ITSN1: variants seen among roughly 807,000 people sequenced by gnomAD.
The protein encoded by ITSN1 is intersectin-1.
ITSN1 carries 58 observed loss-of-function variants against 239.8 expected under a neutral mutation model. That is an observed-to-expected ratio of 0.24 (90% CI 0.20 to 0.30). The LOEUF is 0.30. Among genes scored for constraint, ITSN1 ranks in the 10% least tolerant of loss-of-function variants. The pLI is 1.00. For synonymous variants in ITSN1, 780 were observed against 770.8 expected, an observed-to-expected ratio of 1.01 and a Z score of -0.20; for missense variants, 1,558 against 2,103.3, an observed-to-expected ratio of 0.74 and a Z score of 5.07.
At chr21:33,837,296 C>T (rs1332721736) in intron 29 of ITSN1, 10 of 1,187,826 alleles carry the variant, frequency 8.4e-6, no homozygotes, top group Non-Finnish European at 1.0e-5. Context: ...CCCACCTTTG[C>T]ACAGGTGCTT....
intron 1 of ITSN1, among the ~76,000 whole-genome samples, chr21:33,664,315 G>A (rs969187789): frequency 2.6e-5 from 4 of 152,118 alleles, no homozygotes; most frequent in Non-Finnish European, 4.4e-5. Flanking sequence ...GCTTGGTGCC[G>A]CTGCTGTGCT....
chr21:33,854,159 A>C (rs1978870977), intron 29 of ITSN1, among the ~76,000 whole-genome samples: 1 of 152,252 alleles, frequency 6.6e-6, no homozygotes, highest in Non-Finnish European at 1.5e-5. Context: ...TATTCGCTGC[A>C]GCAAGAACCC....
At chr21:33,762,137 A>G (rs1240264379) in intron 9 of ITSN1, 151 bp downstream of exon 9, 2 of 652,118 alleles carry the variant, frequency 3.1e-6, no homozygotes, top group Non-Finnish European at 2.8e-6. Context: ...CTCTTTTATA[A>G]TACTATTTCC....
intron 16 of ITSN1, among the ~76,000 whole-genome samples, chr21:33,783,953 A>G (rs545173255): frequency 2.0e-5 from 3 of 152,280 alleles, no homozygotes; most frequent in Admixed American, 6.5e-5. Context: ...TGCCATTACT[A>G]AAGAGAACAC....
rs2276227 is a variant in ITSN1, at chr21:33,750,420, A to G, written c.526+98A>G. The stretch of plus-strand genomic sequence containing the variant: ...CTCTTCACGTTCTGATTATGTTTAA[A>G]TGATATTTTAGTCCAGAGGAAAATA... On this transcript the variant is annotated intron_variant, in intron 6 of 39. Transcript: ENST00000381318. The G allele has an allele frequency of 0.12, 135,045 of 1,140,248 alleles. 10,203 individuals are homozygous for G. Among genetic ancestry groups the G allele is most frequent in the African/African-American group, 0.3 (19,090 of 64,658 alleles). The allele number at this position is 1,140,248 out of a possible 1,614,324, so 70.6% of individuals were successfully genotyped here. A position where few individuals can be genotyped will look rare whatever the true frequency, so the allele number is the denominator to read the frequency against.
At chr21:33,653,045 A>G (rs1262204094) in intron 1 of ITSN1, among the ~76,000 whole-genome samples, 1 of 142,472 alleles carries the variant, frequency 7.0e-6, no homozygotes, top group Admixed American at 7.1e-5. Flanking sequence ...CCCAGGCTGG[A>G]GCGCAGTGGC....
chr21:33,670,295 G>T (rs1416791450), intron 1 of ITSN1, among the ~76,000 whole-genome samples: 1 of 152,056 alleles, frequency 6.6e-6, no homozygotes, highest in Non-Finnish European at 1.5e-5. Flanking sequence ...TTGGAGGCTG[G>T]ATTGAGTCGT....
chr21:33,886,882 G>A lies in ITSN1; in HGVS notation c.5017+422G>A, dbSNP rs187132032. ...CCAGGTCCCTTTGGGTGGCATTTTT[G>A]TACCACTTATTAAGTAGGCAAAGGG... is the stretch of plus-strand genomic sequence containing the variant. On this transcript the variant is annotated intron_variant, in intron 39 of 39. Coordinates refer to ENST00000381318, the MANE Select transcript of ITSN1 (RefSeq NM_003024.3). Among the ~76,000 whole-genome samples the A allele has an allele frequency of 7.2e-5, 11 of 152,288 alleles. No homozygotes were observed. The East Asian group carries it at 1.5e-3, about 21-fold the overall frequency.
chr21:33,876,114 TTTCTTTC>T (rs1187797404), intron 34 of ITSN1, among the ~76,000 whole-genome samples: 17 of 22,794 alleles, frequency 7.5e-4, no homozygotes, highest in Middle Eastern at 0.019. Context: ...TCTTTCTTTC[TTTCTTTC>T]TTTCTTTCTT....
chr21:33,887,219 T>A (rs1985933235), intron 39 of ITSN1, among the ~76,000 whole-genome samples: 3 of 151,686 alleles, frequency 2.0e-5, no homozygotes, highest in Non-Finnish European at 4.4e-5. Flanking sequence ...CTCGGGAGGC[T>A]GAGGCAGGAG....
At position 33,824,315 on chromosome 21, in the gene ITSN1, A is replaced by T. The variant is rs954247778; in HGVS notation, c.3183+662A>T. On this transcript the variant is annotated intron_variant, in intron 25 of 39. Coordinates refer to ENST00000381318, the MANE Select transcript of ITSN1 (RefSeq NM_003024.3). ...CAAGTTGAATGGAATGGTGGGGTGG[A>T]CCTACCACAGAGCATGGGAGTCAGT... 2.0e-5 allele frequency among the ~76,000 whole-genome samples: 3 copies of T among 152,298 alleles called. No individual in the cohort carries two copies. The South Asian group carries it at 6.2e-4, about 32-fold the overall frequency.
Position 33,813,998 on chromosome 21 carries a change from G to A in ITSN1, c.2653G>A (p.Gly885Ser), listed in dbSNP as rs373166988. The change falls in exon 22 of 40, where the codon GGC becomes AGC. Residue 885 changes from glycine to serine, a missense_variant. Around this residue, in one of 2 missense-constraint regions of ITSN1, gnomAD observed 982 missense variants for 1,209.9 expected, o/e 0.81. Coordinates refer to ENST00000381318, the MANE Select transcript of ITSN1 (RefSeq NM_003024.3). The part of the protein sequence containing the change: ...AQPSLTVPSA[G>S]QLRQRSAFTP... Reference sequence around the variant, plus strand: ...GCCCTCTCTCACCGTTCCAAGTGCCGGCCAGTTAAGGCAGAGGTCCGCCTT... The same window carrying A: ...GCCCTCTCTCACCGTTCCAAGTGCCAGCCAGTTAAGGCAGAGGTCCGCCTT... 73 of 1,614,070 alleles carry A rather than the reference G, an allele frequency of 4.5e-5. No individual in the cohort carries two copies. In the East Asian group the frequency reaches 1.0e-3, roughly 22 times the overall value.
At chr21:33,721,078 AC>A (rs1244957794) in intron 2 of ITSN1, 99 bp from the exon 3 acceptor site, 7 of 750,796 alleles carry the variant, frequency 9.3e-6, no homozygotes, top group Non-Finnish European at 1.6e-5. Context: ...TCTTTATAAT[AC>A]ATTGACAGAA....
Position 33,888,235 on chromosome 21 carries a change from C to T in ITSN1, c.5101C>T (p.Leu1701=). The change falls in exon 40 of 40, where the codon CTG becomes TTG. Residue 1701 remains leucine (L), a synonymous_variant. Coordinates refer to ENST00000381318, the MANE Select transcript of ITSN1 (RefSeq NM_003024.3). ...SKGPVTKCLL[L]HEVPTGEIVV... Reference sequence around the variant, plus strand: ...AGGTCCAGTTACGAAGTGTCTTCTGCTGCACGAAGTCCCCACGGGAGAGAT... The same window carrying T: ...AGGTCCAGTTACGAAGTGTCTTCTGTTGCACGAAGTCCCCACGGGAGAGAT... The T allele has an allele frequency of 6.2e-7, 1 of 1,614,148 alleles. No homozygotes were observed.
intron 5 of ITSN1, among the ~76,000 whole-genome samples, chr21:33,739,579 A>G (rs934921739): frequency 1.3e-5 from 2 of 152,222 alleles, no homozygotes; most frequent in African/African-American, 4.8e-5. Context: ...GAGTAATAGT[A>G]GAGAGACAGA....
intron 3 of ITSN1, 146 bp downstream of exon 3, chr21:33,721,416 A>G (rs1464628568): frequency 6.7e-6 from 4 of 592,804 alleles, no homozygotes. Context: ...GTCCTTTTAC[A>G]ATTTTTTTAC....
intron 29 of ITSN1, among the ~76,000 whole-genome samples, chr21:33,841,868 C>T (rs1044056030): frequency 5.3e-5 from 8 of 151,630 alleles, no homozygotes; most frequent in African/African-American, 1.2e-4. Context: ...GATAGGGAGA[C>T]GTAGTGAAGT....
chr21:33,874,300 A>T (rs1983297724), intron 33 of ITSN1, among the ~76,000 whole-genome samples: 1 of 152,050 alleles, frequency 6.6e-6, no homozygotes, highest in Non-Finnish European at 1.5e-5. Flanking sequence ...TGCTTAGAAA[A>T]GCGCACACTT....
intron 18 of ITSN1, among the ~76,000 whole-genome samples, chr21:33,798,442 GAACAAAAA>G (rs1367998700): frequency 6.6e-6 from 1 of 151,856 alleles, no homozygotes; most frequent in African/African-American, 2.4e-5. Context: ...ATGAAAGACT[GAACAAAAA>G]GATAAATGAA....
Sources: gnomAD v4.1 joint callset for allele counts (sites outside exome capture counted in the v4.1 genomes callset) on GRCh38, gnomAD v4.1.1 for gene constraint, gnomAD v4.1.1 regional missense constraint, MANE v1.5 for transcripts, NCBI Gene and HGNC (gene_info 2026-07-23, HGNC 2026-07-21) for gene names.